The following TMEM45A variants were observed in gnomAD, a reference collection of about 807,000 sequenced individuals.
TMEM45A encodes transmembrane protein 45A.
Under a neutral mutation model 32.0 loss-of-function variants are expected in TMEM45A, and 25 were observed. The observed-to-expected ratio is 0.78, with a 90% CI of 0.57 to 1.09. The LOEUF is 1.09. TMEM45A is among the 50% of genes least tolerant of loss of function. TMEM45A has a pLI of 0.00. For missense variants in TMEM45A, 302 were observed against 325.0 expected (o/e 0.93, Z 0.54); for synonymous variants, 122 against 114.8 (o/e 1.06, Z -0.40).
chr3:100,572,464 A>T (rs1706584886), intron 5 of TMEM45A: 1 of 151,140 alleles, frequency 6.6e-6, no homozygotes, highest in Non-Finnish European at 1.5e-5. Flanking sequence ...TTTTTCTTGT[A>T]AATTTGTTTG....
chr3:100,532,733 A>G (rs1460888103), intron 1 of TMEM45A, among the ~76,000 whole-genome samples: 5 of 152,292 alleles, frequency 3.3e-5, no homozygotes, highest in African/African-American at 1.2e-4. Flanking sequence ...TTAGAGATTG[A>G]CAGGCCTGAA....
rs1706710819 is a variant in TMEM45A at position 100,577,249 on chromosome 3, G to T, written c.*231G>T. The T allele has an allele frequency of 8.0e-6, 3 of 372,726 alleles. No individual in the cohort carries two copies. The highest frequency in any genetic ancestry group is 1.2e-4 in the East Asian group (2 of 17,248). 23.1% of individuals were successfully genotyped at this position (372,726 alleles called of 1,614,324 possible). On this transcript the variant is annotated 3_prime_UTR_variant, in exon 6 of 6. Transcript: ENST00000323523. ...CATCATGCACATCATGGTATTCAGGGGCTAGAGTGATTTTTTTCCAGATTA... is the reference window on the plus strand; with the variant it reads ...CATCATGCACATCATGGTATTCAGGTGCTAGAGTGATTTTTTTCCAGATTA...
At chr3:100,514,011 T>C (rs1708215178) in intron 1 of TMEM45A, among the ~76,000 whole-genome samples, 2 of 152,222 alleles carry the variant, frequency 1.3e-5, no homozygotes, top group Admixed American at 6.5e-5. Context: ...TCCATGTTCA[T>C]GGGTAGGAAG....
chr3:100,575,581 A>G (rs1706667655), intron 5 of TMEM45A, among the ~76,000 whole-genome samples: 1 of 152,150 alleles, frequency 6.6e-6, no homozygotes, highest in Non-Finnish European at 1.5e-5. Flanking sequence ...CATGTTGGCC[A>G]GTCTGGTCTT....
intron 5 of TMEM45A, chr3:100,571,723 A>G (rs1438998911): frequency 6.6e-6 from 1 of 152,042 alleles, no homozygotes; most frequent in Non-Finnish European, 1.5e-5. Context: ...AGTGTTAGGT[A>G]TATCTCCTAA....
chr3:100,507,037 T>C (rs143152429), intron 1 of TMEM45A, among the ~76,000 whole-genome samples: 2 of 152,324 alleles, frequency 1.3e-5, no homozygotes, highest in Non-Finnish European at 2.9e-5. Flanking sequence ...AGAGGAGTGT[T>C]CTGGGATCAT....
chr3:100,498,379 C>A (rs1384985220), intron 1 of TMEM45A, among the ~76,000 whole-genome samples: 1 of 152,202 alleles, frequency 6.6e-6, no homozygotes, highest in South Asian at 2.1e-4. Context: ...TTCATCTAAT[C>A]AATTGAAGGC....
intron 1 of TMEM45A, among the ~76,000 whole-genome samples, chr3:100,540,795 T>A (rs1008391692): frequency 6.6e-6 from 1 of 152,194 alleles, no homozygotes; most frequent in African/African-American, 2.4e-5. Flanking sequence ...CACAAATATA[T>A]CCTTCCATAT....
At chr3:100,576,397 C>G in intron 5 of TMEM45A, among the ~76,000 whole-genome samples, 1 of 152,098 alleles carries the variant, frequency 6.6e-6, no homozygotes, top group Non-Finnish European at 1.5e-5. Context: ...TTGCAGTGAG[C>G]TGAGATTGTG....
At position 100,493,120 on chromosome 3, in the gene TMEM45A, C is replaced by CTT. The variant is rs570241165; in HGVS notation, c.-4+213_-4+214dup. 2.9e-3 allele frequency among the ~76,000 whole-genome samples: 340 copies of CTT among 115,808 alleles called. 3 individuals are homozygous for CTT. The highest frequency in any genetic ancestry group is 6.0e-3 in the African/African-American group (176 of 29,154). 76.0% of individuals were successfully genotyped at this position (115,808 alleles called of 152,430 possible). ...AATTTAATTTTTTTGGTTTGCTATT[C>CTT]TTTTTTTTTTTTTTTTTTTTTTGGT... On this transcript the variant is annotated intron_variant, in intron 1 of 5. Coordinates refer to ENST00000323523, the MANE Select transcript of TMEM45A (RefSeq NM_018004.3).
At chr3:100,518,195 T>C (rs1361961553) in intron 1 of TMEM45A, among the ~76,000 whole-genome samples, 6 of 152,206 alleles carry the variant, frequency 3.9e-5, no homozygotes, top group Admixed American at 2.0e-4. Context: ...GCCCCACAGA[T>C]TGCATAGCTG....
intron 4 of TMEM45A, among the ~76,000 whole-genome samples, chr3:100,562,795 A>G (rs1025562000): frequency 2.6e-5 from 4 of 152,192 alleles, no homozygotes; most frequent in African/African-American, 9.6e-5. Context: ...GGAAAAATAT[A>G]TGCTATAACT....
intron 4 of TMEM45A, among the ~76,000 whole-genome samples, chr3:100,566,399 G>A (rs7426414): frequency 0.067 from 10,188 of 152,184 alleles, 587 homozygotes; most frequent in East Asian, 0.27. Context: ...ATAAATGGAT[G>A]AATGTATTTC....
Position 100,549,891 on chromosome 3 carries a change from C to A in TMEM45A, c.-3-5318C>A, listed in dbSNP as rs1186261131. 5.3e-5 allele frequency among the ~76,000 whole-genome samples: 8 copies of A among 151,842 alleles called. No homozygotes were observed. The South Asian group carries it at 6.3e-4, about 12-fold the overall frequency. Reference sequence around the variant, plus strand: ...GTTTCATCCATGTCCCTACAAAGGACATGAACTCATCATTTTTTATGGCTG... The same window carrying A: ...GTTTCATCCATGTCCCTACAAAGGAAATGAACTCATCATTTTTTATGGCTG... On this transcript the variant is annotated intron_variant, in intron 1 of 5. Coordinates refer to ENST00000323523, the MANE Select transcript of TMEM45A (RefSeq NM_018004.3).
In TMEM45A at chr3:100,539,490, T is replaced by TGTATATGTATATGTATATGTATAC. The variant is rs1553682653; in HGVS notation, c.-3-15714_-3-15713insTGTATATGTATATGTATACGTATA. ...ATGTATATGTATATGTATATGTATA[T>TGTATATGTATATGTATATGTATAC]GTATACGTATACGTATACGTATACG... is the stretch of plus-strand genomic sequence containing the variant. On this transcript the variant is annotated intron_variant, in intron 1 of 5. Transcript: ENST00000323523. Among the ~76,000 whole-genome samples, 398 of 72,238 alleles carry TGTATATGTATATGTATATGTATAC rather than the reference T, an allele frequency of 5.5e-3. 5 individuals are homozygous for TGTATATGTATATGTATATGTATAC. Among genetic ancestry groups the TGTATATGTATATGTATATGTATAC allele is most frequent in the South Asian group, 0.017 (36 of 2,168 alleles). The allele number at this position is 72,238 out of a possible 152,430, so 47.4% of individuals were successfully genotyped here.
chr3:100,498,238 TAAAC>T (rs1707959629), intron 1 of TMEM45A, among the ~76,000 whole-genome samples: 2 of 152,252 alleles, frequency 1.3e-5, no homozygotes, highest in Non-Finnish European at 2.9e-5. Flanking sequence ...GTGAGTCAAT[TAAAC>T]CTCTTTCTTG....
chr3:100,497,337 AG>A (rs1307149027), intron 1 of TMEM45A, among the ~76,000 whole-genome samples: 3 of 152,220 alleles, frequency 2.0e-5, no homozygotes, highest in African/African-American at 7.2e-5. Context: ...GAGAGCATTC[AG>A]TATATTGTCT....
intron 1 of TMEM45A, among the ~76,000 whole-genome samples, chr3:100,496,415 C>T (rs1707928762): frequency 6.6e-6 from 1 of 152,072 alleles, no homozygotes; most frequent in African/African-American, 2.4e-5. Flanking sequence ...GAAATTTGCC[C>T]AAGATTACAC....
Position 100,558,503 on chromosome 3 carries a change from T to C in TMEM45A, c.502T>C (p.Phe168Leu), listed in dbSNP as rs747646198. The C allele has an allele frequency of 1.2e-5, 19 of 1,614,064 alleles. 1 individual carries two copies. In the South Asian group the frequency reaches 1.6e-4, roughly 14 times the overall value. Residue 168 changes from phenylalanine to leucine, a missense_variant, in exon 4 of 6, where the codon TTC becomes CTC. Transcript: ENST00000323523. ...CGTCTTTCTGACAGGCCTCGTTGCC[T>C]TCCTAGAGTTCCTTGTTCGGAACAA... ...LVVFLTGLVA[F>L]LEFLVRNNVL...
Sources: gnomAD v4.1 joint callset for allele counts (sites outside exome capture counted in the v4.1 genomes callset) on GRCh38, gnomAD v4.1.1 for gene constraint, MANE v1.5 for transcripts, NCBI Gene and HGNC (gene_info 2026-07-23, HGNC 2026-07-21) for gene names.